The following STK38L variants were observed in gnomAD, a reference collection of about 807,000 sequenced individuals.
STK38L encodes the protein serine/threonine-protein kinase 38-like.
STK38L carries 28 observed loss-of-function variants against 59.7 expected under a neutral mutation model. The ratio of observed to expected loss-of-function variants is 0.47; its 90% confidence interval spans 0.35 to 0.64. The LOEUF (loss-of-function observed/expected upper bound fraction) is 0.64, where lower values mean the gene tolerates loss of function less well. STK38L is among the 30% of genes least tolerant of loss of function. STK38L has a pLI of 0.01. For synonymous variants in STK38L, 162 were observed against 176.8 expected, an observed-to-expected ratio of 0.92 and a Z score of 0.66; for missense variants, 314 against 555.8, an observed-to-expected ratio of 0.56 and a Z score of 4.37.
intron 1 of STK38L, among the ~76,000 whole-genome samples, chr12:27,277,472 C>A (rs1943562584): frequency 6.6e-6 from 1 of 151,866 alleles, no homozygotes; most frequent in African/African-American, 2.4e-5. Context: ...GTCTTTAACT[C>A]CCTGATTTTA....
chr12:27,251,147 C>T (rs1001855929), intron 1 of STK38L, among the ~76,000 whole-genome samples: 1 of 151,886 alleles, frequency 6.6e-6, no homozygotes, highest in Non-Finnish European at 1.5e-5. Flanking sequence ...CTCTTTTTTC[C>T]CTTCCTTTTT....
intron 1 of STK38L, among the ~76,000 whole-genome samples, chr12:27,276,728 A>G (rs1943546052): frequency 6.6e-6 from 1 of 152,250 alleles, no homozygotes; most frequent in African/African-American, 2.4e-5. Flanking sequence ...ATAAACTAGT[A>G]ACTGAAGTTT....
rs1377144943 is a variant in STK38L at position 27,308,150 on chromosome 12, C to A, written c.187-189C>A. ...ACTGAATTACATATTTAATGGAGTC[C>A]ACCTCAAAAGTAAAGATTTATCAGT... On this transcript the variant is annotated intron_variant, in intron 3 of 13. Transcript: ENST00000389032. This position sits in a 1 kb window ranked among gnomAD's most constrained non-coding sequence, Gnocchi z 4.5. 6.6e-6 allele frequency among the ~76,000 whole-genome samples: 1 copy of A among 151,180 alleles called. No homozygotes were observed. Among genetic ancestry groups the A allele is most frequent in the African/African-American group, 2.4e-5 (1 of 41,140 alleles).
intron 1 of STK38L, among the ~76,000 whole-genome samples, chr12:27,253,762 A>G (rs999496868): frequency 7.9e-5 from 12 of 152,212 alleles, no homozygotes; most frequent in Non-Finnish European, 1.5e-4. Flanking sequence ...TCAGGCGGGT[A>G]TTATCACATA....
intron 12 of STK38L, among the ~76,000 whole-genome samples, chr12:27,320,741 G>A (rs768024798): frequency 6.6e-6 from 1 of 151,302 alleles, no homozygotes; most frequent in Non-Finnish European, 1.5e-5. Flanking sequence ...CTAAGGCACA[G>A]AGAAGTTAAG....
chr12:27,272,658 C>T (rs1026763877), intron 1 of STK38L, among the ~76,000 whole-genome samples: 5 of 152,150 alleles, frequency 3.3e-5, no homozygotes, highest in South Asian at 2.1e-4. Flanking sequence ...ATCATCTTGT[C>T]AACAGCCAAA....
chr12:27,276,487 C>T (rs1282988472), intron 1 of STK38L, among the ~76,000 whole-genome samples: 1 of 151,976 alleles, frequency 6.6e-6, no homozygotes, highest in Non-Finnish European at 1.5e-5. Flanking sequence ...TCCTAGAAAT[C>T]CCTTTGTTCA....
intron 7 of STK38L, 110 bp downstream of exon 7, chr12:27,314,768 C>T: frequency 8.0e-7 from 1 of 1,247,726 alleles, no homozygotes; most frequent in Non-Finnish European, 1.1e-6. Context: ...TGCTAAACAA[C>T]ATTATATGAT....
intron 1 of STK38L, among the ~76,000 whole-genome samples, chr12:27,259,079 C>G (rs756115729): frequency 6.6e-6 from 1 of 152,184 alleles, no homozygotes; most frequent in Non-Finnish European, 1.5e-5. Flanking sequence ...CTTGGCAAGA[C>G]TTGTTCTTCC....
chr12:27,315,828 GCTTTGCCACAGATAAATTTAATTA>G (rs1254236174), intron 9 of STK38L, among the ~76,000 whole-genome samples: 1 of 152,136 alleles, frequency 6.6e-6, no homozygotes, highest in Non-Finnish European at 1.5e-5. Flanking sequence ...GAAAAAGCTG[GCTTTGCCACAGATAAATTTAATTA>G]CTCCTTTAAT....
Position 27,315,750 on chromosome 12 carries a change from T to C in STK38L, c.837+400T>C, listed in dbSNP as rs117207642. Among the ~76,000 whole-genome samples, 915 of 152,328 alleles carry C rather than the reference T, an allele frequency of 6.0e-3. 40 individuals carry two copies. The South Asian group carries it at 0.082, about 14-fold the overall frequency. On this transcript the variant is annotated intron_variant, in intron 9 of 13. Transcript: ENST00000389032. ...AAGGTGGTTGTGAGTTTCTAAAAAC[T>C]TCTTTATAGACAAAGTAAACAGGAA...
At chr12:27,274,940 C>CA (rs1159653279) in intron 1 of STK38L, among the ~76,000 whole-genome samples, 1 of 152,218 alleles carries the variant, frequency 6.6e-6, no homozygotes, top group African/African-American at 2.4e-5. Context: ...CTAATAATTA[C>CA]AGTAAACCTC....
At chr12:27,316,461 G>T (rs1944586617) in intron 9 of STK38L, among the ~76,000 whole-genome samples, 1 of 152,082 alleles carries the variant, frequency 6.6e-6, no homozygotes, top group Admixed American at 6.6e-5. Context: ...TATTCTCATG[G>T]CCAGTAGTTG....
chr12:27,274,333 A>C lies in STK38L; in HGVS notation c.-11-23377A>C, dbSNP rs1943487493. Among the ~76,000 whole-genome samples, 2 of 152,168 alleles carry C rather than the reference A, an allele frequency of 1.3e-5. 1 individual carries two copies. The highest frequency in any genetic ancestry group is 4.1e-4 in the South Asian group (2 of 4,834). ...CTGTTGGAGTCTACGTGTCAGGAGT[A>C]GTCTAAATCTTAAGTAACCAGAACT... On this transcript the variant is annotated intron_variant, in intron 1 of 13. Transcript: ENST00000389032.
At chr12:27,249,916 G>A (rs148648479) in intron 1 of STK38L, among the ~76,000 whole-genome samples, 232 of 152,170 alleles carry the variant, frequency 1.5e-3, no homozygotes, top group Non-Finnish European at 2.5e-3. Context: ...TTTATTCCTC[G>A]TTTTCCTGAT....
intron 1 of STK38L, among the ~76,000 whole-genome samples, chr12:27,292,972 ACT>A (rs1943929336): frequency 6.6e-6 from 1 of 151,930 alleles, no homozygotes; most frequent in African/African-American, 2.4e-5. Context: ...CCTAGATCTC[ACT>A]CTGTTACCCA....
At chr12:27,320,978 T>C (rs1045730110) in intron 12 of STK38L, among the ~76,000 whole-genome samples, 1 of 152,034 alleles carries the variant, frequency 6.6e-6, no homozygotes, top group African/African-American at 2.4e-5. Context: ...ACCCTCCCTT[T>C]TACAGTGGGA....
intron 1 of STK38L, among the ~76,000 whole-genome samples, chr12:27,268,689 G>A (rs1192549269): frequency 6.6e-6 from 1 of 152,108 alleles, no homozygotes; most frequent in African/African-American, 2.4e-5. Context: ...CTGAGGAATC[G>A]CCACACTGAC....
chr12:27,304,463 C>G (rs746858048), intron 3 of STK38L, among the ~76,000 whole-genome samples: 44 of 151,932 alleles, frequency 2.9e-4, no homozygotes, highest in Non-Finnish European at 4.7e-4. Context: ...TTGACTCAAT[C>G]TAGAAAACTC....
Sources: allele counts gnomAD v4.1 joint callset (sites outside exome capture counted in the v4.1 genomes callset), GRCh38; gene constraint gnomAD v4.1.1; non-coding constraint Gnocchi (gnomAD v3.1); transcripts MANE v1.5; gene names NCBI Gene and HGNC (gene_info 2026-07-23, HGNC 2026-07-21).